The following SLC36A2 variants were observed in gnomAD, a reference collection of about 807,000 sequenced individuals.
SLC36A2 encodes solute carrier family 36 member 2.
In SLC36A2, 39 loss-of-function variants were observed where a neutral mutation model predicts 42.7. That is an observed-to-expected ratio of 0.91 (90% CI 0.71 to 1.19). The LOEUF (loss-of-function observed/expected upper bound fraction) is 1.19, where lower values mean the gene tolerates loss of function less well. Ranked by LOEUF, SLC36A2 falls within the 50% of genes most tolerant of loss-of-function variation. The pLI, the probability that SLC36A2 is intolerant of heterozygous loss-of-function variation, is 0.00. For synonymous variants in SLC36A2, 237 were observed against 240.8 expected, an observed-to-expected ratio of 0.98 and a Z score of 0.15; for missense variants, 590 against 613.7, an observed-to-expected ratio of 0.96 and a Z score of 0.41.
intron 7 of SLC36A2, among the ~76,000 whole-genome samples, chr5:151,326,721 C>T (rs1020195742): frequency 6.6e-6 from 1 of 152,154 alleles, no homozygotes; most frequent in South Asian, 2.1e-4. Flanking sequence ...CCTTCTCCTA[C>T]TCCTTGTTCA....
intron 4 of SLC36A2, among the ~76,000 whole-genome samples, chr5:151,340,188 A>G (rs1756292323): frequency 1.4e-5 from 1 of 70,102 alleles, no homozygotes. Flanking sequence ...GAGGAGGAAG[A>G]GGTGGAGGAG....
intron 7 of SLC36A2, chr5:151,332,516 A>T: frequency 2.3e-6 from 1 of 443,540 alleles, no homozygotes; most frequent in South Asian, 1.6e-5. Context: ...CTGCCCAGAC[A>T]GTGGACGCTC....
At chr5:151,343,383 C>T in intron 3 of SLC36A2, 127 bp downstream of exon 3, 1 of 937,104 alleles carries the variant, frequency 1.1e-6, no homozygotes, top group Non-Finnish European at 1.8e-6. Flanking sequence ...CCTGAATGCT[C>T]TTCACTCTTT....
intron 9 of SLC36A2, among the ~76,000 whole-genome samples, chr5:151,320,117 A>G (rs1424271985): frequency 8.0e-6 from 1 of 125,682 alleles, no homozygotes; most frequent in Non-Finnish European, 1.7e-5. Context: ...TTTGAAGAAG[A>G]AAGAGATTAA....
chr5:151,331,930 C>T (rs1256636810), intron 7 of SLC36A2, among the ~76,000 whole-genome samples: 2 of 151,970 alleles, frequency 1.3e-5, no homozygotes. Flanking sequence ...GCAGTGGCGC[C>T]ATCTTAGCTC....
At position 151,347,551 on chromosome 5, in the gene SLC36A2, C is replaced by T; in HGVS notation, c.-91G>A. 2.0e-6 allele frequency: 3 copies of T among 1,513,250 alleles called. No individual in the cohort carries two copies. Among genetic ancestry groups the T allele is most frequent in the Non-Finnish European group, 2.7e-6 (3 of 1,098,482 alleles). 93.7% of individuals were successfully genotyped at this position (1,513,250 alleles called of 1,614,324 possible). On this transcript the variant is annotated 5_prime_UTR_variant, in exon 1 of 10. Transcript: ENST00000335244. ...AGGTGTCTAGTGTAGATGTACACCC[C>T]AGCACAGTGGTGTGTGCCCGGGCTG...
rs755127928 is a variant in SLC36A2 at position 151,316,958 on chromosome 5, G to A, written c.1311C>T (p.Ser437=). Residue 437 remains serine, a synonymous_variant, in exon 10 of 10, where the codon AGC becomes AGT. Transcript: ENST00000335244. The stretch of plus-strand genomic sequence containing the variant: ...GGGCGTCCTTGAAGATGGTGAGGGG[G>A]CTCATGCCCTCTGAGTAGAACGTGG... ...EVTTFYSEGM[S]PLTIFKDALI... is the part of the protein sequence containing the mutation. 1.2e-6 allele frequency: 2 copies of A among 1,613,912 alleles called. No homozygotes were observed. The highest frequency in any genetic ancestry group is 2.7e-5 in the African/African-American group (2 of 74,904).
intron 2 of SLC36A2, among the ~76,000 whole-genome samples, chr5:151,343,932 C>G (rs528189839): frequency 5.8e-4 from 88 of 152,238 alleles, no homozygotes; most frequent in African/African-American, 2.0e-3. Context: ...TGGGCATAGT[C>G]CAATCCTTGC....
chr5:151,319,937 G>T (rs546871317), intron 9 of SLC36A2, among the ~76,000 whole-genome samples: 1 of 152,194 alleles, frequency 6.6e-6, no homozygotes, highest in African/African-American at 2.4e-5. Flanking sequence ...ATAAAATCTA[G>T]CTTCTTTGTA....
intron 7 of SLC36A2, among the ~76,000 whole-genome samples, chr5:151,328,462 A>T (rs1256007201): frequency 6.6e-6 from 1 of 152,212 alleles, no homozygotes; most frequent in African/African-American, 2.4e-5. Flanking sequence ...ACCAAGAGAA[A>T]CTTCTTTTTG....
intron 7 of SLC36A2, among the ~76,000 whole-genome samples, chr5:151,327,578 C>T (rs1580849720): frequency 6.6e-6 from 1 of 152,146 alleles, no homozygotes; most frequent in South Asian, 2.1e-4. Context: ...GATTAGGTCT[C>T]GTTGCAGCAG....
In SLC36A2 at chr5:151,322,065, G is replaced by A. The variant is rs569180098; in HGVS notation, c.1161C>T (p.Leu387=). 13 of 1,614,172 alleles carry A rather than the reference G, an allele frequency of 8.1e-6. No individual in the cohort carries two copies. Among genetic ancestry groups the A allele is most frequent in the South Asian group, 1.1e-5 (1 of 91,086 alleles). ...WALPLDLSIR[L]VMVCLTCLLA... Reference sequence around the variant, plus strand: ...ACTCACATGTCAGGCAGACCATGACGAGGCGAATGGACAGATCCAGAGGCA... The same window carrying A: ...ACTCACATGTCAGGCAGACCATGACAAGGCGAATGGACAGATCCAGAGGCA... The change falls in exon 9 of 10, where the codon CTC becomes CTT. Residue 387 remains leucine, a synonymous_variant. Transcript: ENST00000335244.
intron 1 of SLC36A2, 112 bp from the exon 2 acceptor site, chr5:151,344,379 A>G: frequency 3.5e-6 from 3 of 863,630 alleles, no homozygotes; most frequent in Non-Finnish European, 3.8e-6. Context: ...GCCATCTCTC[A>G]GTCCATGAGT....
intron 8 of SLC36A2, among the ~76,000 whole-genome samples, chr5:151,322,686 C>G (rs562852122): frequency 1.3e-5 from 2 of 152,130 alleles, no homozygotes; most frequent in African/African-American, 4.8e-5. Flanking sequence ...ACTGTTGCCT[C>G]TAGTTGAGAG....
chr5:151,332,503 G>A (rs1267852675), intron 7 of SLC36A2: 1 of 452,826 alleles, frequency 2.2e-6, no homozygotes, highest in Non-Finnish European at 4.4e-6. Context: ...ATAAGCTGTG[G>A]TACTGCCCAG....
At chr5:151,319,023 G>T in intron 9 of SLC36A2, 1 of 280,634 alleles carries the variant, frequency 3.6e-6, no homozygotes, top group Non-Finnish European at 5.4e-6. Context: ...TTCTTGTATG[G>T]CCTTGCCCAA....
intron 7 of SLC36A2, among the ~76,000 whole-genome samples, chr5:151,332,838 G>A (rs984568723): frequency 3.9e-5 from 6 of 152,186 alleles, no homozygotes; most frequent in African/African-American, 1.4e-4. Flanking sequence ...CCTTCCACAA[G>A]TGTGGAAGTA....
At chr5:151,342,759 C>T in intron 4 of SLC36A2, 129 bp downstream of exon 4, 2 of 740,916 alleles carry the variant, frequency 2.7e-6, no homozygotes, top group South Asian at 1.5e-5. Flanking sequence ...GCCAATGAAC[C>T]CCTTCCATGT....
Position 151,335,518 on chromosome 5 carries a change from G to A in SLC36A2, c.555C>T (p.Asn185=). The part of the protein sequence containing the change: ...QVVEAVNSTT[N]NCYSNETVIL... ...TCACCGTCTCATTGGAATAGCAGTT[G>A]TTGGTTGTGCTATTAACAGCTTCCA... Residue 185 remains asparagine, a synonymous_variant, in exon 6 of 10, where the codon AAC becomes AAT. Coordinates refer to ENST00000335244, the MANE Select transcript of SLC36A2 (RefSeq NM_181776.3). 1 of 1,614,042 alleles carries A rather than the reference G, an allele frequency of 6.2e-7. No homozygotes were observed. The highest frequency in any genetic ancestry group is 1.1e-5 in the South Asian group (1 of 91,080).
Sources: gnomAD v4.1 joint callset for allele counts (sites outside exome capture counted in the v4.1 genomes callset) on GRCh38, gnomAD v4.1.1 for gene constraint, MANE v1.5 for transcripts, NCBI Gene and HGNC (gene_info 2026-07-23, HGNC 2026-07-21) for gene names.